The following ZNF248 variants were observed in gnomAD, a reference collection of about 807,000 sequenced individuals.
ZNF248 encodes zinc finger protein 248, also known as KRAB protein domain.
ZNF248 carries 20 observed loss-of-function variants against 44.3 expected under a neutral mutation model. The ratio of observed to expected loss-of-function variants is 0.45; its 90% CI spans 0.32 to 0.66. The LOEUF (loss-of-function observed/expected upper bound fraction) is 0.66, where lower values mean the gene tolerates loss of function less well. Ranked by LOEUF, ZNF248 falls within the 30% of genes least tolerant of loss-of-function variation. The pLI, the probability that ZNF248 is intolerant of heterozygous loss-of-function variation, is 0.04. For synonymous variants in ZNF248, 224 were observed against 229.0 expected (o/e 0.98, Z 0.20); for missense variants, 654 against 677.0 (o/e 0.97, Z 0.38).
intron 6 of ZNF248, chr10:37,791,828 T>G (rs1353949392): frequency 6.6e-6 from 1 of 152,256 alleles, no homozygotes; most frequent in Non-Finnish European, 1.5e-5. Flanking sequence ...CTGCAGCTAT[T>G]GGCTGGTAAG....
At chr10:37,766,191 G>C in the ZNF248 span, among the ~76,000 whole-genome samples, 2 of 152,232 alleles carry the variant, frequency 1.3e-5, no homozygotes, top group Non-Finnish European at 2.9e-5. Flanking sequence ...GCAGGGCACA[G>C]ACAAACAAAA....
the ZNF248 span, among the ~76,000 whole-genome samples, chr10:37,769,001 C>G: frequency 8.3e-4 from 126 of 152,278 alleles, 1 homozygote; most frequent in African/African-American, 3.0e-3. Context: ...CACCTCTATA[C>G]AAATAAACTA....
At chr10:37,812,798 A>C (rs572888160) in intron 6 of ZNF248, among the ~76,000 whole-genome samples, 9 of 152,282 alleles carry the variant, frequency 5.9e-5, no homozygotes, top group Non-Finnish European at 1.5e-5. Flanking sequence ...AGGATGGTTA[A>C]TGCTATGGAA....
chr10:37,805,661 A>C (rs2050448494), intron 6 of ZNF248, among the ~76,000 whole-genome samples: 2 of 152,150 alleles, frequency 1.3e-5, no homozygotes, highest in Non-Finnish European at 2.9e-5. Context: ...TTTTTCTTGT[A>C]AGAGGAGTAT....
the ZNF248 span, among the ~76,000 whole-genome samples, chr10:37,767,553 A>C: frequency 5.3e-5 from 8 of 152,290 alleles, 1 homozygote; most frequent in Middle Eastern, 6.8e-3. Flanking sequence ...GAAATAAAAT[A>C]CTTTACAGAC....
chr10:37,766,181 G>C, the ZNF248 span, among the ~76,000 whole-genome samples: 16,705 of 152,310 alleles, frequency 0.11, 1,169 homozygotes, highest in Admixed American at 0.19. Flanking sequence ...ACCTGTGGGG[G>C]CAGGGCACAG....
intron 6 of ZNF248, among the ~76,000 whole-genome samples, chr10:37,817,622 C>T (rs1200803711): frequency 1.3e-5 from 2 of 152,062 alleles, no homozygotes; most frequent in African/African-American, 2.4e-5. Context: ...AACATTGCCA[C>T]GTACTTGCTA....
chr10:37,811,231 A>T (rs2051439069), intron 6 of ZNF248, among the ~76,000 whole-genome samples: 1 of 152,222 alleles, frequency 6.6e-6, no homozygotes. Context: ...TGTAAGAACC[A>T]CTGTAGAAAA....
downstream of ZNF248, among the ~76,000 whole-genome samples, chr10:37,773,943 T>A (rs1351801417): frequency 6.6e-6 from 1 of 151,838 alleles, no homozygotes; most frequent in Non-Finnish European, 1.5e-5. Context: ...AAATTTTACA[T>A]TCGACCAGCC....
chr10:37,853,253 C>CA (rs2060640525), intron 3 of ZNF248, among the ~76,000 whole-genome samples: 1 of 152,078 alleles, frequency 6.6e-6, no homozygotes, highest in African/African-American at 2.4e-5. Context: ...TATTAAGTAA[C>CA]AATTGCTGAA....
chr10:37,826,012 C>T (rs2054328122), downstream of ZNF248, among the ~76,000 whole-genome samples: 1 of 151,884 alleles, frequency 6.6e-6, no homozygotes, highest in Non-Finnish European at 1.5e-5. Context: ...TGGGAAGCTA[C>T]CTAAAAGTGA....
intron 3 of ZNF248, among the ~76,000 whole-genome samples, chr10:37,848,731 T>A (rs2059732919): frequency 1.3e-5 from 2 of 152,154 alleles, no homozygotes; most frequent in African/African-American, 4.8e-5. Flanking sequence ...AGCTTGGAGA[T>A]GTTCTAGGTT....
rs573862655 is a variant in ZNF248 at position 37,853,849 on chromosome 10, T to A, written c.15+2447A>T. On this transcript the variant is annotated intron_variant, in intron 3 of 5. Transcript: ENST00000395867. ...GATCTGCACAAGAAACAATAAAACTTCTTTGGGGTAAAGGCAAATAACTGT... is the reference window on the plus strand; with the variant it reads ...GATCTGCACAAGAAACAATAAAACTACTTTGGGGTAAAGGCAAATAACTGT... Among the ~76,000 whole-genome samples the A allele has an allele frequency of 2.0e-4, 31 of 152,206 alleles. No homozygotes were observed. In the South Asian group the frequency reaches 2.1e-3, roughly 10 times the overall value.
intron 6 of ZNF248, among the ~76,000 whole-genome samples, chr10:37,808,910 A>G (rs1305665429): frequency 6.6e-6 from 1 of 152,078 alleles, no homozygotes; most frequent in African/African-American, 2.4e-5. Flanking sequence ...CTTATTAATT[A>G]TGTACCTACA....
chr10:37,842,374 C>T (rs2058494251), intron 3 of ZNF248, among the ~76,000 whole-genome samples: 2 of 152,062 alleles, frequency 1.3e-5, no homozygotes, highest in African/African-American at 2.4e-5. Flanking sequence ...AAAGGCTGAC[C>T]GCAACCAAGT....
intron 6 of ZNF248, among the ~76,000 whole-genome samples, chr10:37,804,097 TTTTC>T (rs1311945769): frequency 2.1e-5 from 1 of 47,562 alleles, no homozygotes; most frequent in African/African-American, 1.1e-4. Context: ...TCCTTTTTCT[TTTTC>T]TTTTTTTTTT....
intron 6 of ZNF248, among the ~76,000 whole-genome samples, chr10:37,780,905 G>C (rs552631884): frequency 1.3e-5 from 2 of 152,204 alleles, no homozygotes; most frequent in Non-Finnish European, 2.9e-5. Context: ...GTCTCTGCAA[G>C]GAACGGAAGC....
chr10:37,770,722 C>G, the ZNF248 span, among the ~76,000 whole-genome samples: 1 of 152,324 alleles, frequency 6.6e-6, no homozygotes, highest in East Asian at 1.9e-4. Flanking sequence ...GGAAGGACTT[C>G]ATGTCTAAAA....
intron 6 of ZNF248, among the ~76,000 whole-genome samples, chr10:37,784,641 C>T (rs1050396376): frequency 2.0e-5 from 3 of 152,194 alleles, no homozygotes; most frequent in African/African-American, 7.2e-5. Flanking sequence ...ATGCAGTTCA[C>T]TTTGTTCTAG....
Sources: gnomAD v4.1 joint callset for allele counts (sites outside exome capture counted in the v4.1 genomes callset) on GRCh38, gnomAD v4.1.1 for gene constraint, MANE v1.5 for transcripts, NCBI Gene and HGNC (gene_info 2026-07-23, HGNC 2026-07-21) for gene names.